Variants in SUMF1 observed in about 807,000 individuals in gnomAD.
The protein encoded by SUMF1 is sulfatase modifying factor 1, also known as formylglycine-generating enzyme.
Under a neutral mutation model 47.6 loss-of-function variants are expected in SUMF1, and 48 were observed. The ratio of observed to expected loss-of-function variants is 1.01; its 90% CI spans 0.80 to 1.28. The LOEUF is 1.28. Ranked by LOEUF, SUMF1 falls within the 50% of genes most tolerant of loss-of-function variation. SUMF1 has a pLI of 0.00. For missense variants in SUMF1, 571 were observed against 485.4 expected, an observed-to-expected ratio of 1.18 and a Z score of -1.66; for synonymous variants, 230 against 192.1, an observed-to-expected ratio of 1.20 and a Z score of -1.63.
chr3:4,193,640 G>C (rs1695368455), intron 8 of SUMF1, among the ~76,000 whole-genome samples: 1 of 152,094 alleles, frequency 6.6e-6, no homozygotes, highest in Non-Finnish European at 1.5e-5. Context: ...TACACAAATA[G>C]TGTCATAAAA....
Position 4,037,589 on chromosome 3 carries a change from G to C in SUMF1, c.1191+30980C>G, listed in dbSNP as rs1247765125. 6.6e-5 allele frequency among the ~76,000 whole-genome samples: 10 copies of C among 152,134 alleles called. No homozygotes were observed. In the East Asian group the frequency reaches 1.9e-3, roughly 29 times the overall value. ...TGCGATTCTTAGTTTCCTTTGATTGGATTTTGCTGTTCTCCCAAATCTTGA... is the reference window on the plus strand; with the variant it reads ...TGCGATTCTTAGTTTCCTTTGATTGCATTTTGCTGTTCTCCCAAATCTTGA... On this transcript the variant is annotated intron_variant and NMD_transcript_variant, in intron 9 of 12. Transcript: ENST00000448413.
chr3:4,105,421 G>A (rs1693135873), intron 8 of SUMF1, among the ~76,000 whole-genome samples: 1 of 152,046 alleles, frequency 6.6e-6, no homozygotes, highest in African/African-American at 2.4e-5. Flanking sequence ...GACTAACACA[G>A]GTGATAAGTT....
chr3:4,374,074 A>C (rs1222183571), intron 8 of SUMF1, among the ~76,000 whole-genome samples: 2 of 152,204 alleles, frequency 1.3e-5, no homozygotes, highest in African/African-American at 4.8e-5. Flanking sequence ...AGCTATTGCT[A>C]ATACATATCC....
At chr3:4,259,619 C>G (rs1026633794) in intron 8 of SUMF1, among the ~76,000 whole-genome samples, 3 of 151,896 alleles carry the variant, frequency 2.0e-5, no homozygotes, top group Non-Finnish European at 4.4e-5. Context: ...GGGTTACAAA[C>G]AGCTTGGAAC....
chr3:4,262,497 T>C (rs897836391), intron 8 of SUMF1, among the ~76,000 whole-genome samples: 1 of 152,130 alleles, frequency 6.6e-6, no homozygotes, highest in African/African-American at 2.4e-5. Context: ...GGTGCCAAAT[T>C]CTGGCATGGC....
At chr3:4,263,263 A>G (rs1442020013) in intron 8 of SUMF1, among the ~76,000 whole-genome samples, 3 of 152,204 alleles carry the variant, frequency 2.0e-5, no homozygotes, top group Non-Finnish European at 2.9e-5. Context: ...AGATGACCTA[A>G]TAAGACAAAT....
At chr3:4,165,085 G>A (rs1041138794) in intron 8 of SUMF1, among the ~76,000 whole-genome samples, 6 of 152,110 alleles carry the variant, frequency 3.9e-5, no homozygotes, top group African/African-American at 1.4e-4. Flanking sequence ...TTGCTCACTG[G>A]TAGGGAATTT....
At chr3:4,071,982 C>T (rs1345231839) in intron 8 of SUMF1, among the ~76,000 whole-genome samples, 1 of 152,172 alleles carries the variant, frequency 6.6e-6, no homozygotes, top group Non-Finnish European at 1.5e-5. Context: ...TCCCTGACCC[C>T]TGTGTACCTG....
At chr3:4,211,806 A>G (rs1370968040) in intron 8 of SUMF1, among the ~76,000 whole-genome samples, 2 of 152,152 alleles carry the variant, frequency 1.3e-5, no homozygotes, top group African/African-American at 4.8e-5. Context: ...CATAGTGTAA[A>G]CAAAGCAGCC....
At chr3:4,397,607 T>G (rs781507731) in intron 7 of SUMF1, among the ~76,000 whole-genome samples, 1 of 152,194 alleles carries the variant, frequency 6.6e-6, no homozygotes, top group Non-Finnish European at 1.5e-5. Context: ...ATGATTTTAT[T>G]TGGACGTTTT....
At chr3:4,254,285 G>C (rs1271801269) in intron 8 of SUMF1, among the ~76,000 whole-genome samples, 1 of 151,732 alleles carries the variant, frequency 6.6e-6, no homozygotes, top group East Asian at 1.9e-4. Flanking sequence ...CGAGCTGAGA[G>C]AAGAAGGCTT....
intron 1 of SUMF1, among the ~76,000 whole-genome samples, chr3:4,454,232 A>G (rs1314624191): frequency 6.6e-6 from 1 of 152,206 alleles, no homozygotes; most frequent in African/African-American, 2.4e-5. Flanking sequence ...AACTCCAAGA[A>G]GACAGCAATT....
chr3:4,436,308 T>C (rs1255630231), intron 3 of SUMF1, among the ~76,000 whole-genome samples: 3 of 152,218 alleles, frequency 2.0e-5, no homozygotes, highest in Admixed American at 6.5e-5. Context: ...GTTAACACTA[T>C]AATGTCAGTT....
intron 8 of SUMF1, among the ~76,000 whole-genome samples, chr3:4,153,932 C>T (rs988673017): frequency 6.6e-6 from 1 of 151,506 alleles, no homozygotes; most frequent in South Asian, 2.1e-4. Flanking sequence ...TTAGGACTCC[C>T]GCCTAAGGCA....
intron 8 of SUMF1, among the ~76,000 whole-genome samples, chr3:4,217,586 T>C (rs1388678199): frequency 8.1e-6 from 1 of 124,170 alleles, no homozygotes; most frequent in African/African-American, 3.2e-5. Flanking sequence ...AGAGACAACA[T>C]TTTGTATATA....
rs1329019951 is a variant in SUMF1, at chr3:4,095,609, C to T, written c.1015-26864G>A. On this transcript the variant is annotated intron_variant and NMD_transcript_variant, in intron 8 of 12. Coordinates refer to the SUMF1 transcript ENST00000448413. ...AGGTAAAATGAGATATGACCAGCAG[C>T]ATGTCTACTACAAGATGCTGTTACA... 2.6e-5 allele frequency among the ~76,000 whole-genome samples: 4 copies of T among 152,084 alleles called. 1 individual carries two copies. Among genetic ancestry groups the T allele is most frequent in the Non-Finnish European group, 5.9e-5 (4 of 68,028 alleles).
intron 8 of SUMF1, among the ~76,000 whole-genome samples, chr3:4,255,083 C>G (rs1696913926): frequency 6.6e-6 from 1 of 150,546 alleles, no homozygotes; most frequent in Non-Finnish European, 1.5e-5. Context: ...TTGTCACCAC[C>G]AGGCCTGCCC....
intron 8 of SUMF1, among the ~76,000 whole-genome samples, chr3:4,163,895 C>A (rs1004603160): frequency 3.3e-5 from 5 of 152,084 alleles, no homozygotes; most frequent in African/African-American, 1.2e-4. Flanking sequence ...ATATATTTTC[C>A]ATTTCTACAG....
At chr3:4,158,697 C>T (rs1015310272) in intron 8 of SUMF1, among the ~76,000 whole-genome samples, 1 of 151,484 alleles carries the variant, frequency 6.6e-6, no homozygotes, top group African/African-American at 2.4e-5. Context: ...ATTGTTATAT[C>T]CTCTTGCTGA....
Sources: gnomAD v4.1 joint callset for allele counts (sites outside exome capture counted in the v4.1 genomes callset) on GRCh38, gnomAD v4.1.1 for gene constraint, MANE v1.5 for transcripts, NCBI Gene and HGNC (gene_info 2026-07-23, HGNC 2026-07-21) for gene names.